NTRK2: variants seen among roughly 807,000 people sequenced by gnomAD.
The protein encoded by NTRK2 is BDNF/NT-3 growth factors receptor.
A neutral mutation model predicts 94.5 loss-of-function variants in NTRK2; 13 were observed. The ratio of observed to expected loss-of-function variants is 0.14; its 90% CI spans 0.09 to 0.22. NTRK2 has a LOEUF of 0.22. Among genes scored for constraint, NTRK2 ranks in the 10% least tolerant of loss-of-function variants. The pLI, the probability that NTRK2 is intolerant of heterozygous loss-of-function variation, is 1.00. For missense variants in NTRK2, 639 were observed against 1,071.2 expected, an observed-to-expected ratio of 0.60 and a Z score of 5.63; for synonymous variants, 372 against 407.4, an observed-to-expected ratio of 0.91 and a Z score of 1.05.
chr9:84,849,912 T>C (rs1335366000), intron 12 of NTRK2, among the ~76,000 whole-genome samples: 1 of 152,218 alleles, frequency 6.6e-6, no homozygotes, highest in Non-Finnish European at 1.5e-5. Context: ...CCCTGCTTGA[T>C]GCTGTTGTAT....
At chr9:84,999,114 T>C (rs1020030220) in intron 17 of NTRK2, among the ~76,000 whole-genome samples, 1 of 152,220 alleles carries the variant, frequency 6.6e-6, no homozygotes, top group Non-Finnish European at 1.5e-5. Flanking sequence ...CTTATGTATA[T>C]GCATAGGAGG....
intron 17 of NTRK2, among the ~76,000 whole-genome samples, chr9:84,991,595 A>T (rs1407098934): frequency 6.6e-6 from 1 of 151,932 alleles, no homozygotes; most frequent in African/African-American, 2.4e-5. Flanking sequence ...CACCAGTGGA[A>T]TTTTTCTCCC....
chr9:84,907,581 A>G (rs1005821130), intron 14 of NTRK2, among the ~76,000 whole-genome samples: 1 of 152,186 alleles, frequency 6.6e-6, no homozygotes, highest in Non-Finnish European at 1.5e-5. Flanking sequence ...AATTCTGTTC[A>G]GGGTGGGGGG....
At position 84,772,467 on chromosome 9, in the gene NTRK2, C is replaced by T. The variant is rs183324609; in HGVS notation, c.1396+20382C>T. On this transcript the variant is annotated intron_variant, in intron 12 of 18. Transcript: ENST00000277120. Reference sequence around the variant, plus strand: ...TTCACCATGTTGGCCAGGCTGGTTTCAAACTTCTGGCCTTAAGCAATCTGC... The same window carrying T: ...TTCACCATGTTGGCCAGGCTGGTTTTAAACTTCTGGCCTTAAGCAATCTGC... 1.0e-3 allele frequency among the ~76,000 whole-genome samples: 153 copies of T among 152,266 alleles called. No homozygotes were observed. The East Asian group carries it at 0.027, about 27-fold the overall frequency.
intron 12 of NTRK2, among the ~76,000 whole-genome samples, chr9:84,846,645 T>C (rs2074487168): frequency 6.6e-6 from 1 of 152,252 alleles, no homozygotes; most frequent in African/African-American, 2.4e-5. Flanking sequence ...TTACCTCCTC[T>C]GACTCATGTA....
At chr9:84,810,704 G>C (rs2071683536) in intron 12 of NTRK2, 1 of 1,574,604 alleles carries the variant, frequency 6.4e-7, no homozygotes, top group Non-Finnish European at 8.6e-7. Flanking sequence ...GGGGTTTTCT[G>C]GTAGATGTGG....
At chr9:84,697,001 A>G (rs1443614437) in intron 2 of NTRK2, among the ~76,000 whole-genome samples, 1 of 152,174 alleles carries the variant, frequency 6.6e-6, no homozygotes, top group African/African-American at 2.4e-5. Context: ...TTCTGGGCAG[A>G]ACAGGATGGT....
At chr9:84,859,203 G>C (rs1326852170) in intron 12 of NTRK2, among the ~76,000 whole-genome samples, 1 of 152,186 alleles carries the variant, frequency 6.6e-6, no homozygotes, top group Non-Finnish European at 1.5e-5. Flanking sequence ...ACGATGGGAG[G>C]GGAATATTTG....
chr9:84,994,254 T>G (rs912790512), intron 17 of NTRK2, among the ~76,000 whole-genome samples: 1 of 152,214 alleles, frequency 6.6e-6, no homozygotes, highest in African/African-American at 2.4e-5. Context: ...ATTTGATTAA[T>G]AACTCCCCTA....
In NTRK2 at chr9:84,797,713, AAT is replaced by A. The variant is rs1258481231; in HGVS notation, c.1396+45637_1396+45638del. Among the ~76,000 whole-genome samples the A allele has an allele frequency of 1.9e-3, 141 of 74,054 alleles. 1 individual carries two copies. Among genetic ancestry groups the A allele is most frequent in the Non-Finnish European group, 2.8e-3 (119 of 41,908 alleles). 48.6% of individuals were successfully genotyped at this position (74,054 alleles called of 152,430 possible). ...ATATATATATTATATATACTATAAT[AAT>A]ATATATATTATATATTATATATACT... On this transcript the variant is annotated intron_variant, in intron 12 of 18. Coordinates refer to ENST00000277120, the MANE Select transcript of NTRK2 (RefSeq NM_006180.6).
At chr9:84,860,285 G>A (rs1379916698) in intron 12 of NTRK2, among the ~76,000 whole-genome samples, 1 of 152,292 alleles carries the variant, frequency 6.6e-6, no homozygotes, top group African/African-American at 2.4e-5. Flanking sequence ...GCTCAGGAAG[G>A]AAGCAGACAT....
rs1292654837 is a variant in NTRK2 at position 84,810,136 on chromosome 9, AT to A, written c.1397-50902del. ...TGCAAAAGTAATCATGGTTTTTGCCATTGAAAGTAGTGGCATTACTTTTGCA... is the reference window on the plus strand; with the variant it reads ...TGCAAAAGTAATCATGGTTTTTGCCATGAAAGTAGTGGCATTACTTTTGCA... On this transcript the variant is annotated intron_variant, in intron 12 of 18. Coordinates refer to ENST00000277120, the MANE Select transcript of NTRK2 (RefSeq NM_006180.6). Among the ~76,000 whole-genome samples, 4 of 152,174 alleles carry A rather than the reference AT, an allele frequency of 2.6e-5. No individual in the cohort carries two copies. The East Asian group carries it at 7.7e-4, about 29-fold the overall frequency.
chr9:84,929,274 G>A (rs564396945), intron 14 of NTRK2, among the ~76,000 whole-genome samples: 32 of 152,214 alleles, frequency 2.1e-4, no homozygotes, highest in African/African-American at 7.7e-4. Context: ...AATGTGATAC[G>A]AACACAGAGC....
At chr9:84,904,827 C>T (rs2077027028) in intron 14 of NTRK2, among the ~76,000 whole-genome samples, 1 of 152,198 alleles carries the variant, frequency 6.6e-6, no homozygotes, top group South Asian at 2.1e-4. Context: ...GGAAGCAATG[C>T]TGTTATAATC....
At chr9:84,708,004 T>C in intron 5 of NTRK2, 92 bp downstream of exon 5, 1 of 975,326 alleles carries the variant, frequency 1.0e-6, no homozygotes. Flanking sequence ...GTTGCAGATC[T>C]ATTTTTATAC....
intron 17 of NTRK2, among the ~76,000 whole-genome samples, chr9:84,985,037 A>G (rs1399697904): frequency 1.3e-5 from 2 of 152,252 alleles, no homozygotes; most frequent in Non-Finnish European, 2.9e-5. Flanking sequence ...CTACAGATAC[A>G]AGACTGTGTC....
chr9:84,969,580 C>T (rs1281931727), intron 17 of NTRK2, among the ~76,000 whole-genome samples: 1 of 152,178 alleles, frequency 6.6e-6, no homozygotes, highest in African/African-American at 2.4e-5. Context: ...TTTGTTAAAA[C>T]ATTAAATAAT....
At chr9:84,876,422 T>A (rs771994576) in intron 14 of NTRK2, 2 of 1,054,478 alleles carry the variant, frequency 1.9e-6, no homozygotes, top group Non-Finnish European at 2.3e-6. Flanking sequence ...CAATACTTAC[T>A]CCCCTTCCCT....
chr9:84,776,894 C>T (rs893885351), intron 12 of NTRK2, among the ~76,000 whole-genome samples: 3 of 152,178 alleles, frequency 2.0e-5, no homozygotes, highest in African/African-American at 4.8e-5. Flanking sequence ...ATACAAACAT[C>T]TTTGAAAAGA....
Sources: allele counts gnomAD v4.1 joint callset (sites outside exome capture counted in the v4.1 genomes callset), GRCh38; gene constraint gnomAD v4.1.1; transcripts MANE v1.5; gene names NCBI Gene and HGNC (gene_info 2026-07-23, HGNC 2026-07-21).